The following KLF11 variants were observed in gnomAD, a reference collection of about 807,000 sequenced individuals.
KLF11 encodes the protein Krueppel-like factor 11.
A neutral mutation model predicts 29.9 loss-of-function variants in KLF11; 26 were observed. The ratio of observed to expected loss-of-function variants is 0.87; its 90% confidence interval spans 0.64 to 1.21. The LOEUF (loss-of-function observed/expected upper bound fraction) is 1.21, where lower values mean the gene tolerates loss of function less well. Among genes scored for constraint, KLF11 ranks in the 50% most tolerant of loss-of-function variants. The pLI is 0.00. For missense variants in KLF11, 778 were observed against 665.7 expected (o/e 1.17, Z -1.86); for synonymous variants, 318 against 257.4 (o/e 1.24, Z -2.25).
chr2:10,043,827 GC>G (rs1661073720), intron 1 of KLF11, 69 bp downstream of exon 1: 1 of 1,295,534 alleles, frequency 7.7e-7, no homozygotes, highest in East Asian at 4.7e-5. Context: ...AAGTGGTGCG[GC>G]ACTCGCGCGC....
chr2:10,045,422 T>C (rs1661162592), intron 1 of KLF11, among the ~76,000 whole-genome samples: 1 of 143,794 alleles, frequency 7.0e-6, no homozygotes, highest in African/African-American at 2.6e-5. Context: ...TACCCAAGTG[T>C]GGTGGCGGGC....
At chr2:10,051,972 C>CG (rs1661419719) in intron 3 of KLF11, among the ~76,000 whole-genome samples, 1 of 152,194 alleles carries the variant, frequency 6.6e-6, no homozygotes, top group South Asian at 2.1e-4. Flanking sequence ...ACTTGTACTT[C>CG]GCCTGATTTA....
chr2:10,048,820 T>C (rs916541470), intron 3 of KLF11, among the ~76,000 whole-genome samples: 3 of 151,984 alleles, frequency 2.0e-5, no homozygotes, highest in Non-Finnish European at 2.9e-5. Flanking sequence ...AGATAAAATG[T>C]AGTATAGTTC....
In KLF11 at chr2:10,052,413, T is replaced by TCCCAG. The variant is rs1661434678; in HGVS notation, c.1446_1450dup (p.Gly484AlafsTer11). 4 of 1,613,778 alleles carry TCCCAG rather than the reference T, an allele frequency of 2.5e-6. No individual in the cohort carries two copies. The African/African-American group carries it at 5.3e-5, about 22-fold the overall frequency. Reference sequence around the variant, plus strand: ...CGGCGCCACATGACGACCAAGAAGATCCCAGGCTGGCAGGCAGAGGTTGGC... The same window carrying TCCCAG: ...CGGCGCCACATGACGACCAAGAAGATCCCAGCCCAGGCTGGCAGGCAGAGGTTGGC... On this transcript the variant is annotated frameshift_variant, in exon 4 of 4. Coordinates refer to ENST00000305883, the MANE Select transcript of KLF11 (RefSeq NM_003597.5). LOFTEE classifies it low-confidence loss of function (END_TRUNC).
rs971236861 is a variant in KLF11 at position 10,043,589 on chromosome 2, C to G, written c.-128C>G. 2 of 537,688 alleles carry G rather than the reference C, an allele frequency of 3.7e-6. No individual in the cohort carries two copies. The highest frequency in any genetic ancestry group is 4.2e-5 in the African/African-American group (2 of 47,792). The allele number at this position is 537,688 out of a possible 1,614,324, so 33.3% of individuals were successfully genotyped here. On this transcript the variant is annotated 5_prime_UTR_variant, in exon 1 of 4. Transcript: ENST00000305883. Reference sequence around the variant, plus strand: ...GCCGGGGCAGAGCCGCGCGGGCGGGCGAGGCGCGTGCCGGCCGCAGGAGCT... The same window carrying G: ...GCCGGGGCAGAGCCGCGCGGGCGGGGGAGGCGCGTGCCGGCCGCAGGAGCT...
intron 1 of KLF11, chr2:10,044,534 G>A (rs1661119199): frequency 1.3e-6 from 1 of 745,678 alleles, no homozygotes; most frequent in Non-Finnish European, 1.6e-6. Flanking sequence ...GGGGATTTGA[G>A]GTGGCCTCGT....
In KLF11 at chr2:10,048,353, T is replaced by A; in HGVS notation, c.1016T>A (p.Val339Glu). The change falls in exon 3 of 4, where the codon GTG becomes GAG. Residue 339 changes from valine to glutamate, a missense_variant. By Grantham distance (121) the Val-to-Glu change is moderately radical. Coordinates refer to ENST00000305883, the MANE Select transcript of KLF11 (RefSeq NM_003597.5). ...FVGPAVPQGA[V>E]MLVLPQGALP... ...GGACCTGCTGTGCCTCAGGGAGCTG[T>A]GATGTTGGTCCTGCCCCAGGGAGCC... is the stretch of plus-strand genomic sequence containing the variant. 1 of 1,609,032 alleles carries A rather than the reference T, an allele frequency of 6.2e-7. No homozygotes were observed. Among genetic ancestry groups the A allele is most frequent in the Admixed American group, 1.7e-5 (1 of 59,842 alleles).
At chr2:10,049,003 G>T (rs1661324971) in intron 3 of KLF11, among the ~76,000 whole-genome samples, 1 of 150,064 alleles carries the variant, frequency 6.7e-6, no homozygotes, top group Non-Finnish European at 1.5e-5. Flanking sequence ...GTGAGAAAAG[G>T]TCTGGCCAAA....
rs1189265274 is a variant in KLF11 at position 10,044,371 on chromosome 2, G to A, written c.42+613G>A. 20 of 985,602 alleles carry A rather than the reference G, an allele frequency of 2.0e-5. 1 individual carries two copies. The Admixed American group carries it at 9.8e-4, about 48-fold the overall frequency. The allele number at this position is 985,602 out of a possible 1,614,324, so 61.1% of individuals were successfully genotyped here. ...CGTCGCGACCTGGGGGCTTCGGGGAGGTAGCCGTGGACGTGGGCAGAGCGC... is the reference window on the plus strand; with the variant it reads ...CGTCGCGACCTGGGGGCTTCGGGGAAGTAGCCGTGGACGTGGGCAGAGCGC... On this transcript the variant is annotated intron_variant, in intron 1 of 3. Coordinates refer to ENST00000305883, the MANE Select transcript of KLF11 (RefSeq NM_003597.5).
At position 10,050,365 on chromosome 2, in the gene KLF11, C is replaced by T. The variant is rs192375604; in HGVS notation, c.1258+1770C>T. 3.3e-5 allele frequency among the ~76,000 whole-genome samples: 5 copies of T among 149,730 alleles called. No homozygotes were observed. The Admixed American group carries it at 3.4e-4, about 10-fold the overall frequency. On this transcript the variant is annotated intron_variant, in intron 3 of 3. Coordinates refer to ENST00000305883, the MANE Select transcript of KLF11 (RefSeq NM_003597.5). ...GAGGTTGCAGTGAATGGAGATTGCG[C>T]CATTACACTCCAACCTGGGCGACAG...
At position 10,048,085 on chromosome 2, in the gene KLF11, G is replaced by T; in HGVS notation, c.748G>T (p.Ala250Ser). The stretch of plus-strand genomic sequence containing the variant: ...GCTGCTCACTGACAAAGGCCAGCAG[G>T]CAGGGTGGCCTGGTGCAGTTCAGAC... ...GLLLTDKGQQ[A>S]GWPGAVQTCS... is the part of the protein sequence containing the mutation. The change falls in exon 3 of 4, where the codon GCA becomes TCA. Residue 250 changes from alanine (A) to serine (S), a missense_variant. Ala to Ser is a moderately conservative substitution (Grantham distance 99, BLOSUM62 1). Transcript: ENST00000305883. 6.2e-7 allele frequency: 1 copy of T among 1,614,202 alleles called. No individual in the cohort carries two copies. Among genetic ancestry groups the T allele is most frequent in the Non-Finnish European group, 8.5e-7 (1 of 1,180,036 alleles).
At position 10,053,052 on chromosome 2, in the gene KLF11, T is replaced by C. The variant is rs1324169656; in HGVS notation, c.*545T>C. On this transcript the variant is annotated 3_prime_UTR_variant, in exon 4 of 4. Transcript: ENST00000305883. Reference sequence around the variant, plus strand: ...CACAAGTTATCTGGCCTTTTAGATCTTTTTGGAATCGGACCTGGTTGAGTA... The same window carrying C: ...CACAAGTTATCTGGCCTTTTAGATCCTTTTGGAATCGGACCTGGTTGAGTA... The C allele has an allele frequency of 2.6e-6, 1 of 391,968 alleles. No individual in the cohort carries two copies. The highest frequency in any genetic ancestry group is 4.5e-6 in the Non-Finnish European group (1 of 222,646). 24.3% of individuals were successfully genotyped at this position (391,968 alleles called of 1,614,324 possible). A position where few individuals can be genotyped will look rare whatever the true frequency, so the allele number is the denominator to read the frequency against.
chr2:10,046,314 A>T lies in KLF11; in HGVS notation c.207A>T (p.Ile69=), dbSNP rs1185998825. 6.2e-7 allele frequency: 1 copy of T among 1,614,188 alleles called. No homozygotes were observed. Among genetic ancestry groups the T allele is most frequent in the Non-Finnish European group, 8.5e-7 (1 of 1,180,040 alleles). Residue 69 remains isoleucine (I), a synonymous_variant, in exon 2 of 4, where the codon ATA becomes ATT. Transcript: ENST00000305883. ...QRSQKGDLLR[I]RPLTPVSDSG... is the part of the protein sequence containing the mutation. The stretch of plus-strand genomic sequence containing the variant: ...CCCAGAAAGGTGACCTGTTGCGGAT[A>T]AGACCCCTCACGCCTGTCTCTGACT...
At chr2:10,045,811 T>C (rs571706616) in intron 1 of KLF11, among the ~76,000 whole-genome samples, 2 of 152,366 alleles carry the variant, frequency 1.3e-5, no homozygotes, top group East Asian at 1.9e-4. Flanking sequence ...GGGCAGCTGC[T>C]CCTCCTCCCA....
At position 10,046,354 on chromosome 2, in the gene KLF11, A is replaced by G. The variant is rs1439987384; in HGVS notation, c.247A>G (p.Thr83Ala). 1 of 1,614,180 alleles carries G rather than the reference A, an allele frequency of 6.2e-7. No individual in the cohort carries two copies. Among genetic ancestry groups the G allele is most frequent in the African/African-American group, 1.3e-5 (1 of 75,044 alleles). ...TGTCTCTGACTCTGGGGATGTCACCACCACTGTGCATATGGATGCAGCCAC... is the reference window on the plus strand; with the variant it reads ...TGTCTCTGACTCTGGGGATGTCACCGCCACTGTGCATATGGATGCAGCCAC... ...TPVSDSGDVT[T>A]TVHMDAATPE... The change falls in exon 2 of 4, where the codon ACC (threonine) becomes GCC (alanine). Residue 83 changes from threonine to alanine, a missense_variant. Transcript: ENST00000305883.
chr2:10,048,177 C>T lies in KLF11; in HGVS notation c.840C>T (p.Val280=), dbSNP rs1661281004. The T allele has an allele frequency of 3.1e-6, 5 of 1,614,212 alleles. No homozygotes were observed. The highest frequency in any genetic ancestry group is 2.2e-5 in the East Asian group (1 of 44,890). The part of the protein sequence containing the change: ...RKTTPLISVS[V]PAPPVLCQMI... ...CCACCCCTCTGATTTCTGTCTCTGT[C>T]CCTGCTCCCCCTGTCCTTTGCCAGA... The change falls in exon 3 of 4, where the codon GTC becomes GTT. Residue 280 remains valine (V), a synonymous_variant. Coordinates refer to ENST00000305883, the MANE Select transcript of KLF11 (RefSeq NM_003597.5).
chr2:10,046,325 C>G lies in KLF11; in HGVS notation c.218C>G (p.Thr73Arg). Residue 73 changes from threonine (T) to arginine (R), a missense_variant, in exon 2 of 4, where the codon ACG becomes AGG. By Grantham distance (71) the Thr-to-Arg change is moderately conservative. Coordinates refer to ENST00000305883, the MANE Select transcript of KLF11 (RefSeq NM_003597.5). ...KGDLLRIRPL[T>R]PVSDSGDVTT... is the part of the protein sequence containing the mutation. ...GACCTGTTGCGGATAAGACCCCTCA[C>G]GCCTGTCTCTGACTCTGGGGATGTC... 6.2e-7 allele frequency: 1 copy of G among 1,614,186 alleles called. No homozygotes were observed. The highest frequency in any genetic ancestry group is 8.5e-7 in the Non-Finnish European group (1 of 1,180,032).
At chr2:10,047,349 G>A (rs1661239406) in intron 2 of KLF11, among the ~76,000 whole-genome samples, 1 of 152,216 alleles carries the variant, frequency 6.6e-6, no homozygotes, top group African/African-American at 2.4e-5. Flanking sequence ...CAGATTTGGA[G>A]AGGGATAGGA....
chr2:10,052,521 A>C lies in KLF11; in HGVS notation c.*14A>C. 1.2e-6 allele frequency: 2 copies of C among 1,612,956 alleles called. No individual in the cohort carries two copies. The highest frequency in any genetic ancestry group is 2.2e-5 in the South Asian group (2 of 90,972). ...GCCTCTGCCTGAAAGGTCCATTAGG[A>C]CATCACTCATGGGATTTTTAAAAAG... On this transcript the variant is annotated 3_prime_UTR_variant, in exon 4 of 4. Coordinates refer to ENST00000305883, the MANE Select transcript of KLF11 (RefSeq NM_003597.5).
Sources: allele counts gnomAD v4.1 joint callset (sites outside exome capture counted in the v4.1 genomes callset), GRCh38; gene constraint gnomAD v4.1.1; transcripts MANE v1.5; gene names NCBI Gene and HGNC (gene_info 2026-07-23, HGNC 2026-07-21).